UGT1A9: variants seen among roughly 807,000 people sequenced by gnomAD.
UGT1A9 encodes UDP-glucuronosyltransferase 1A9.
Under a neutral mutation model 45.0 loss-of-function variants are expected in UGT1A9, and 35 were observed. That is an observed-to-expected ratio of 0.78 (90% CI 0.59 to 1.03). The LOEUF is 1.03. UGT1A9 is among the 50% of genes least tolerant of loss of function. The pLI is 0.00. For missense variants in UGT1A9, 687 were observed against 666.6 expected (o/e 1.03, Z -0.34); for synonymous variants, 278 against 250.6 (o/e 1.11, Z -1.03).
Position 233,709,184 on chromosome 2 carries a change from T to C in UGT1A9, c.855+36395T>C, listed in dbSNP as rs536582073. On this transcript the variant is annotated intron_variant, in intron 1 of 4. Transcript: ENST00000354728. ...CTAGGTCACATGTTCTATCCTGAGC[T>C]GGGAGTGGATCCTCACCAGAAGTAC... Among the ~76,000 whole-genome samples the C allele has an allele frequency of 5.9e-5, 9 of 152,238 alleles. No homozygotes were observed. The East Asian group carries it at 7.7e-4, about 13-fold the overall frequency.
intron 1 of UGT1A9, among the ~76,000 whole-genome samples, chr2:233,745,929 G>A (rs954070768): frequency 4.0e-5 from 6 of 151,604 alleles, no homozygotes; most frequent in African/African-American, 1.2e-4. Context: ...GATTCAGAAG[G>A]GACAGCTGGG....
At chr2:233,751,309 A>G (rs1694697613) in intron 1 of UGT1A9, among the ~76,000 whole-genome samples, 1 of 151,862 alleles carries the variant, frequency 6.6e-6, no homozygotes, top group African/African-American at 2.4e-5. Context: ...ATATTTACCC[A>G]ATTTCTGTAC....
chr2:233,768,607 G>A (rs1227150844), intron 4 of UGT1A9, among the ~76,000 whole-genome samples, 168 bp downstream of exon 4: 1 of 99,376 alleles, frequency 1.0e-5, no homozygotes, highest in South Asian at 3.4e-4. Context: ...TTTTTTTTGA[G>A]ATGGAGTCTT....
chr2:233,694,467 T>C (rs1197070708), intron 1 of UGT1A9, among the ~76,000 whole-genome samples: 1 of 152,162 alleles, frequency 6.6e-6, no homozygotes, highest in African/African-American at 2.4e-5. Flanking sequence ...GCAAAAGGGG[T>C]ATGGCCTCTG....
intron 1 of UGT1A9, among the ~76,000 whole-genome samples, chr2:233,676,146 G>A (rs953498124): frequency 2.6e-5 from 4 of 152,110 alleles, no homozygotes; most frequent in East Asian, 1.9e-4. Context: ...GAGCTCCAGC[G>A]TCAGACTCCA....
At chr2:233,762,213 C>T (rs889171473) in intron 1 of UGT1A9, among the ~76,000 whole-genome samples, 1 of 152,104 alleles carries the variant, frequency 6.6e-6, no homozygotes, top group Non-Finnish European at 1.5e-5. Flanking sequence ...ATTTGGCGCC[C>T]CATAAATCTC....
rs950702483 is a variant in UGT1A9 at position 233,748,193 on chromosome 2, C to G, written c.856-18841C>G. 9.0e-6 allele frequency: 14 copies of G among 1,552,524 alleles called. No individual in the cohort carries two copies. The Admixed American group carries it at 2.6e-4, about 28-fold the overall frequency. ...TATCTTTCTGGTGCTTTTATTTCTGCTTGTCGTAATAGCCTTCAGTGAGAT... is the reference window on the plus strand; with the variant it reads ...TATCTTTCTGGTGCTTTTATTTCTGGTTGTCGTAATAGCCTTCAGTGAGAT... On this transcript the variant is annotated intron_variant, in intron 1 of 4. Transcript: ENST00000354728.
intron 1 of UGT1A9, among the ~76,000 whole-genome samples, chr2:233,714,325 G>GAGGTC (rs1417875525): frequency 2.0e-5 from 3 of 152,176 alleles, no homozygotes; most frequent in Non-Finnish European, 4.4e-5. Context: ...GACCACAGGA[G>GAGGTC]ACCTAAGCAC....
intron 1 of UGT1A9, among the ~76,000 whole-genome samples, chr2:233,744,422 T>C (rs2125863019): frequency 6.6e-6 from 1 of 151,974 alleles, no homozygotes; most frequent in Non-Finnish European, 1.5e-5. Flanking sequence ...TTCATGTGGA[T>C]TATATCTATC....
chr2:233,729,639 T>A (rs765411725), intron 1 of UGT1A9: 2 of 1,613,956 alleles, frequency 1.2e-6, no homozygotes, highest in South Asian at 2.2e-5. Flanking sequence ...CTACTGTGTT[T>A]TTTTTGAGGA....
At chr2:233,732,140 G>GT (rs1352899510) in intron 1 of UGT1A9, among the ~76,000 whole-genome samples, 2 of 135,546 alleles carry the variant, frequency 1.5e-5, no homozygotes, top group East Asian at 2.0e-4. Flanking sequence ...TTGTTTGTTT[G>GT]TTTTTTTTCT....
chr2:233,760,473 T>TGAC, intron 1 of UGT1A9: 1 of 1,614,230 alleles, frequency 6.2e-7, no homozygotes, highest in Non-Finnish European at 8.5e-7. Context: ...TCCTAGCACC[T>TGAC]GACGCCTCGT....
Position 233,700,889 on chromosome 2 carries a change from C to G in UGT1A9, c.855+28100C>G, listed in dbSNP as rs540334634. Among the ~76,000 whole-genome samples, 10 of 151,694 alleles carry G rather than the reference C, an allele frequency of 6.6e-5. No individual in the cohort carries two copies. In the South Asian group the frequency reaches 2.1e-3, roughly 32 times the overall value. On this transcript the variant is annotated intron_variant, in intron 1 of 4. Coordinates refer to ENST00000354728, the MANE Select transcript of UGT1A9 (RefSeq NM_021027.3). Reference sequence around the variant, plus strand: ...CCTCCCTCCTCCCCCCACCCCACAACAGTCCCCGGTGTGTGACGTTCCTCT... The same window carrying G: ...CCTCCCTCCTCCCCCCACCCCACAAGAGTCCCCGGTGTGTGACGTTCCTCT...
At position 233,769,662 on chromosome 2, in the gene UGT1A9, G is replaced by A; in HGVS notation, c.1295+1223G>A. 1 of 1,599,484 alleles carries A rather than the reference G, an allele frequency of 6.3e-7. No individual in the cohort carries two copies. The highest frequency in any genetic ancestry group is 8.5e-7 in the Non-Finnish European group (1 of 1,173,496). On this transcript the variant is annotated intron_variant, in intron 4 of 4. Transcript: ENST00000354728. The surrounding 1 kb of genome is among the most constrained non-coding windows in gnomAD (Gnocchi z 4.4). ...GACTGATGACTGACTTCCCACCTTT[G>A]AGGTGCTAATGTGTGTGTGGTGGCA...
intron 1 of UGT1A9, among the ~76,000 whole-genome samples, chr2:233,739,239 G>C (rs1225583543): frequency 6.6e-6 from 1 of 152,230 alleles, no homozygotes; most frequent in Non-Finnish European, 1.5e-5. Context: ...ACCTCTGCTA[G>C]AGAAGGGTGG....
intron 1 of UGT1A9, among the ~76,000 whole-genome samples, chr2:233,733,833 G>A (rs1195470780): frequency 2.6e-5 from 4 of 152,136 alleles, no homozygotes; most frequent in African/African-American, 4.8e-5. Flanking sequence ...ATGAGTTAGG[G>A]AGGATTCCCT....
intron 1 of UGT1A9, among the ~76,000 whole-genome samples, chr2:233,715,015 TACAGGCGCATGGCACC>T (rs1363692546): frequency 6.6e-6 from 1 of 152,224 alleles, no homozygotes; most frequent in African/African-American, 2.4e-5. Flanking sequence ...TAGCTGGAAC[TACAGGCGCATGGCACC>T]ACATCCAGCT....
At chr2:233,737,427 G>T (rs1289829376) in intron 1 of UGT1A9, among the ~76,000 whole-genome samples, 1 of 152,214 alleles carries the variant, frequency 6.6e-6, no homozygotes, top group Non-Finnish European at 1.5e-5. Flanking sequence ...ACAGTATTTG[G>T]GTGGGAGTGT....
chr2:233,739,559 G>T (rs1322307786), intron 1 of UGT1A9, among the ~76,000 whole-genome samples: 1 of 152,224 alleles, frequency 6.6e-6, no homozygotes, highest in Non-Finnish European at 1.5e-5. Flanking sequence ...TTTAATGACT[G>T]CCCTGCCTGG....
Sources: gnomAD v4.1 joint callset for allele counts (sites outside exome capture counted in the v4.1 genomes callset) on GRCh38, gnomAD v4.1.1 for gene constraint, Gnocchi (gnomAD v3.1) non-coding constraint, MANE v1.5 for transcripts, NCBI Gene and HGNC (gene_info 2026-07-23, HGNC 2026-07-21) for gene names.